Variants in IMMT observed in about 807,000 individuals in gnomAD.
IMMT encodes the protein inner membrane mitochondrial protein, also known as MICOS complex subunit MIC60.
A neutral mutation model predicts 92.7 loss-of-function variants in IMMT; 40 were observed. That is an observed-to-expected ratio of 0.43 (90% confidence interval 0.34 to 0.56). The LOEUF (loss-of-function observed/expected upper bound fraction) is 0.56. Among genes scored for constraint, IMMT ranks in the 20% least tolerant of loss-of-function variants. IMMT has a pLI of 0.03. For synonymous variants in IMMT, 322 were observed against 336.1 expected (o/e 0.96, Z 0.46); for missense variants, 831 against 912.1 (o/e 0.91, Z 1.14).
Position 86,176,298 on chromosome 2 carries a change from T to C in IMMT, c.310-2537A>G, listed in dbSNP as rs958666518. ...TACAAAATATCTGGAAGTACATTAA[T>C]AGGTGTTATCATGAAAATATCATAG... On this transcript the variant is annotated intron_variant, in intron 3 of 14. Transcript: ENST00000410111. Among the ~76,000 whole-genome samples the C allele has an allele frequency of 2.6e-5, 4 of 152,352 alleles. No individual in the cohort carries two copies. The East Asian group carries it at 7.7e-4, about 29-fold the overall frequency.
At chr2:86,155,946 G>C (rs12714170) in intron 10 of IMMT, among the ~76,000 whole-genome samples, 56,884 of 152,094 alleles carry the variant, frequency 0.37, 12,979 homozygotes, top group Non-Finnish European at 0.51. Context: ...TTCAAATTTT[G>C]TATTGTGAAT....
At chr2:86,176,321 T>C (rs1168787175) in intron 3 of IMMT, among the ~76,000 whole-genome samples, 2 of 152,222 alleles carry the variant, frequency 1.3e-5, no homozygotes, top group African/African-American at 4.8e-5. Flanking sequence ...GAAAATATCA[T>C]AGCACTTCTT....
chr2:86,145,002 T>C (rs1484604488), intron 14 of IMMT, 121 bp from the exon 15 acceptor site: 2 of 1,187,140 alleles, frequency 1.7e-6, no homozygotes, highest in Non-Finnish European at 2.3e-6. Context: ...CCAGAGAGAC[T>C]TTCTTACAAC....
intron 1 of IMMT, among the ~76,000 whole-genome samples, chr2:86,184,298 G>A (rs1672613878): frequency 6.6e-6 from 1 of 151,992 alleles, no homozygotes; most frequent in African/African-American, 2.4e-5. Flanking sequence ...AGCCCCCTGA[G>A]TAGCTGGGAC....
chr2:86,168,314 A>G (rs1676858672), intron 6 of IMMT, among the ~76,000 whole-genome samples: 1 of 152,214 alleles, frequency 6.6e-6, no homozygotes, highest in African/African-American at 2.4e-5. Context: ...AAAGGCGGCT[A>G]GTAAGAATAC....
intron 6 of IMMT, among the ~76,000 whole-genome samples, chr2:86,169,758 T>C (rs1558827986): frequency 1.3e-5 from 2 of 148,520 alleles, no homozygotes; most frequent in African/African-American, 2.6e-5. Flanking sequence ...ATAATAATGA[T>C]AAAAAAAACT....
intron 10 of IMMT, among the ~76,000 whole-genome samples, chr2:86,154,550 TCA>T (rs1393930870): frequency 1.3e-5 from 2 of 152,084 alleles, no homozygotes; most frequent in East Asian, 1.9e-4. Flanking sequence ...TTTTACTAAA[TCA>T]CAGTTTTGAC....
At chr2:86,145,137 A>G (rs989759624) in intron 14 of IMMT, among the ~76,000 whole-genome samples, 8 of 152,266 alleles carry the variant, frequency 5.3e-5, no homozygotes, top group African/African-American at 1.9e-4. Flanking sequence ...TGAGAAAGAA[A>G]CATATTATTT....
chr2:86,163,591 G>A (rs6731358), intron 7 of IMMT, among the ~76,000 whole-genome samples: 42,256 of 152,018 alleles, frequency 0.28, 7,117 homozygotes, highest in East Asian at 0.5. Context: ...CAAGTTCAAT[G>A]AGCCCCTGAA....
At position 86,147,894 on chromosome 2, in the gene IMMT, CAGAA is replaced by C. The variant is rs768719634; in HGVS notation, c.1402-65_1402-62del. On this transcript the variant is annotated intron_variant, in intron 12 of 14. Coordinates refer to ENST00000410111, the MANE Select transcript of IMMT (RefSeq NM_006839.3). ...TTCTCCACATATACTTTTAGGAAAA[CAGAA>C]AGACCACTATCAACCATGACAACAG... 5.2e-5 allele frequency: 80 copies of C among 1,535,120 alleles called. No individual in the cohort carries two copies. In the Middle Eastern group the frequency reaches 1.0e-3, roughly 20 times the overall value.
At chr2:86,185,190 G>C (rs927338752) in intron 1 of IMMT, among the ~76,000 whole-genome samples, 2 of 151,650 alleles carry the variant, frequency 1.3e-5, no homozygotes, top group African/African-American at 4.8e-5. Flanking sequence ...AAACAAAAGA[G>C]TTCCAAGTAT....
rs1675126550 is a variant in IMMT, at chr2:86,147,715, G to A, written c.1520C>T (p.Ser507Phe). The A allele has an allele frequency of 2.5e-6, 4 of 1,613,166 alleles. No homozygotes were observed. The highest frequency in any genetic ancestry group is 1.3e-5 in the African/African-American group (1 of 74,900). Reference sequence around the variant, plus strand: ...CCAGGTCCTCACCTGCTCAAATTCAGACTTCAATTCCTGTTCTTGTACCCT... The same window carrying A: ...CCAGGTCCTCACCTGCTCAAATTCAAACTTCAATTCCTGTTCTTGTACCCT... ...VLRVQEQELK[S>F]EFEQNLSEKL... is the part of the protein sequence containing the mutation. The change falls in exon 13 of 15, where the codon TCT becomes TTT. Residue 507 changes from serine to phenylalanine, a missense_variant. Ser to Phe is a radical substitution (Grantham distance 155, BLOSUM62 -2). Coordinates refer to ENST00000410111, the MANE Select transcript of IMMT (RefSeq NM_006839.3).
At chr2:86,170,637 CA>C in intron 6 of IMMT, 111 bp downstream of exon 6, 2 of 684,140 alleles carry the variant, frequency 2.9e-6, no homozygotes, top group Non-Finnish European at 5.0e-6. Flanking sequence ...ACAACCGCAG[CA>C]ACAAAAGAAA....
intron 7 of IMMT, among the ~76,000 whole-genome samples, chr2:86,162,338 G>GTTTTTTTTTTTTTTTTTTTTTTTTTTT (rs1346343442): frequency 1.8e-5 from 2 of 113,696 alleles, no homozygotes; most frequent in African/African-American, 6.8e-5. Context: ...TCTAAGGAGA[G>GTTTTTTTTTTTTTTTTTTTTTTTTTTT]TTGTTTTTTT....
intron 1 of IMMT, among the ~76,000 whole-genome samples, 184 bp from the exon 2 acceptor site, chr2:86,181,556 C>T (rs866312810): frequency 2.6e-5 from 4 of 152,070 alleles, no homozygotes; most frequent in South Asian, 2.1e-4. Flanking sequence ...ATGCTTCTTA[C>T]ACCCCAAGGC....
intron 7 of IMMT, 34 bp from the exon 8 acceptor site, chr2:86,162,113 C>T (rs995204214): frequency 1.5e-6 from 2 of 1,314,370 alleles, no homozygotes; most frequent in Non-Finnish European, 2.1e-6. Flanking sequence ...TAATAAATAA[C>T]TGCTATTATT....
intron 1 of IMMT, among the ~76,000 whole-genome samples, chr2:86,191,066 C>A (rs1673084302): frequency 6.6e-6 from 1 of 151,910 alleles, no homozygotes; most frequent in Non-Finnish European, 1.5e-5. Context: ...GAACTAGTGG[C>A]CAGGCATGGT....
In IMMT at chr2:86,159,691, A is replaced by C. The variant is rs749870759; in HGVS notation, c.897-20T>G. ...TCTTCTCTGGAAACCAACAAAACAA[A>C]GATTTAATATAACTTCTTGTCAACT... On this transcript the variant is annotated intron_variant, in intron 8 of 14. Transcript: ENST00000410111. 6.5e-7 allele frequency: 1 copy of C among 1,527,134 alleles called. No homozygotes were observed. Among genetic ancestry groups the C allele is most frequent in the Non-Finnish European group, 8.7e-7 (1 of 1,143,682 alleles). The allele number at this position is 1,527,134 out of a possible 1,614,324, so 94.6% of individuals were successfully genotyped here. A position where few individuals can be genotyped will look rare whatever the true frequency, so the allele number is the denominator to read the frequency against.
chr2:86,169,981 C>G (rs1014678792), intron 6 of IMMT, among the ~76,000 whole-genome samples: 5 of 152,134 alleles, frequency 3.3e-5, no homozygotes, highest in Non-Finnish European at 7.4e-5. Context: ...ATTCCATGCC[C>G]CACCAGTGTC....
Sources: gnomAD v4.1 joint callset for allele counts (sites outside exome capture counted in the v4.1 genomes callset) on GRCh38, gnomAD v4.1.1 for gene constraint, MANE v1.5 for transcripts, NCBI Gene and HGNC (gene_info 2026-07-23, HGNC 2026-07-21) for gene names.